The following CHSY3 variants were observed in gnomAD, a reference collection of about 807,000 sequenced individuals.
CHSY3 encodes chondroitin sulfate synthase 3.
Under a neutral mutation model 67.2 loss-of-function variants are expected in CHSY3, and 35 were observed. That is an observed-to-expected ratio of 0.52 (90% CI 0.40 to 0.69). The LOEUF (loss-of-function observed/expected upper bound fraction) is 0.69, where lower values mean the gene tolerates loss of function less well. Among genes scored for constraint, CHSY3 ranks in the 30% least tolerant of loss-of-function variants. CHSY3 has a pLI of 0.00. For synonymous variants in CHSY3, 474 were observed against 434.7 expected (o/e 1.09, Z -1.12); for missense variants, 1,069 against 1,138.5 (o/e 0.94, Z 0.88).
At chr5:129,935,934 C>G (rs1053577389) in intron 2 of CHSY3, among the ~76,000 whole-genome samples, 27 of 152,214 alleles carry the variant, frequency 1.8e-4, no homozygotes, top group African/African-American at 6.0e-4. Flanking sequence ...GGGAACTACA[C>G]TGAGAACAAC....
chr5:130,091,896 A>G (rs1766892583), intron 2 of CHSY3, among the ~76,000 whole-genome samples: 1 of 152,138 alleles, frequency 6.6e-6, no homozygotes. Context: ...ATGAGATTCC[A>G]TTAATGGTGA....
chr5:130,086,005 T>A (rs1766605241), intron 2 of CHSY3, among the ~76,000 whole-genome samples: 1 of 152,268 alleles, frequency 6.6e-6, no homozygotes, highest in East Asian at 1.9e-4. Flanking sequence ...TCTTTTACAT[T>A]TGCTGAGGAG....
intron 2 of CHSY3, among the ~76,000 whole-genome samples, chr5:130,120,596 T>C (rs755823358): frequency 3.3e-5 from 5 of 150,388 alleles, no homozygotes; most frequent in Non-Finnish European, 7.4e-5. Context: ...ATCCCCCAAC[T>C]ACCACTTACT....
intron 2 of CHSY3, among the ~76,000 whole-genome samples, chr5:130,111,105 T>A (rs1215024113): frequency 1.3e-5 from 2 of 152,076 alleles, no homozygotes; most frequent in African/African-American, 4.8e-5. Context: ...TAGGCTAGGC[T>A]CACTGATGAG....
intron 2 of CHSY3, among the ~76,000 whole-genome samples, chr5:129,942,626 A>G (rs1429362215): frequency 2.6e-5 from 4 of 152,096 alleles, no homozygotes; most frequent in Non-Finnish European, 5.9e-5. Context: ...TGTATATTTT[A>G]TCTCCGTTTT....
intron 2 of CHSY3, among the ~76,000 whole-genome samples, chr5:130,013,677 G>T (rs1471565802): frequency 6.6e-6 from 1 of 152,216 alleles, no homozygotes; most frequent in Non-Finnish European, 1.5e-5. Flanking sequence ...AGGCTGCAAA[G>T]AGCAGAGGGG....
At position 130,184,691 on chromosome 5, in the gene CHSY3, A is replaced by T; in HGVS notation, c.1549A>T (p.Ile517Phe). Residue 517 changes from isoleucine to phenylalanine, a missense_variant, in exon 3 of 3, where the codon ATT becomes TTT. Coordinates refer to ENST00000305031, the MANE Select transcript of CHSY3 (RefSeq NM_175856.5). ...NENAKSRGRL[I>F]DFKEIQYGYR... ...GAATGCCAAGAGCAGAGGACGGCTC[A>T]TTGACTTCAAGGAAATTCAGTATGG... 6.2e-7 allele frequency: 1 copy of T among 1,610,204 alleles called. No homozygotes were observed.
chr5:129,917,056 G>A (rs1057255259), intron 2 of CHSY3, among the ~76,000 whole-genome samples: 1 of 152,014 alleles, frequency 6.6e-6, no homozygotes, highest in Non-Finnish European at 1.5e-5. Context: ...TAATTTTCTT[G>A]TATATTAATA....
At chr5:129,951,752 A>T (rs1378088679) in intron 2 of CHSY3, among the ~76,000 whole-genome samples, 3 of 152,202 alleles carry the variant, frequency 2.0e-5, no homozygotes, top group Admixed American at 6.5e-5. Flanking sequence ...ATCTATGTAG[A>T]TACTTGGCTT....
At chr5:129,973,427 T>G (rs1473248223) in intron 2 of CHSY3, among the ~76,000 whole-genome samples, 2 of 152,160 alleles carry the variant, frequency 1.3e-5, no homozygotes, top group Non-Finnish European at 2.9e-5. Flanking sequence ...GACTAGCTAT[T>G]TTATGCATAT....
intron 2 of CHSY3, among the ~76,000 whole-genome samples, chr5:129,929,182 C>T (rs1375250224): frequency 3.3e-5 from 5 of 152,194 alleles, no homozygotes; most frequent in African/African-American, 1.2e-4. Context: ...GAACTACTGT[C>T]ATCCATTTTA....
At chr5:130,062,955 C>G (rs1765761544) in intron 2 of CHSY3, among the ~76,000 whole-genome samples, 1 of 152,008 alleles carries the variant, frequency 6.6e-6, no homozygotes, top group African/African-American at 2.4e-5. Context: ...AGGAAATTTG[C>G]ATTTGGTGGA....
At chr5:130,107,021 C>A (rs1199015856) in intron 2 of CHSY3, among the ~76,000 whole-genome samples, 1 of 151,364 alleles carries the variant, frequency 6.6e-6, no homozygotes, top group Non-Finnish European at 1.5e-5. Flanking sequence ...CTGTAAGTCT[C>A]TATTTCTGGA....
At chr5:130,169,122 A>G (rs1554087629) in intron 2 of CHSY3, among the ~76,000 whole-genome samples, 1 of 151,786 alleles carries the variant, frequency 6.6e-6, no homozygotes, top group Non-Finnish European at 1.5e-5. Context: ...CATGGTTTCC[A>G]TTTTTTTTGT....
intron 2 of CHSY3, among the ~76,000 whole-genome samples, chr5:130,066,458 C>G (rs1473943087): frequency 6.6e-6 from 1 of 152,014 alleles, no homozygotes; most frequent in African/African-American, 2.4e-5. Context: ...CTTAGGGCCT[C>G]TAGCTGTAAG....
intron 2 of CHSY3, among the ~76,000 whole-genome samples, chr5:130,032,644 T>G (rs1243260704): frequency 6.6e-6 from 1 of 152,070 alleles, no homozygotes; most frequent in Non-Finnish European, 1.5e-5. Context: ...GAGAGGAGAT[T>G]TCAGTAGACC....
At chr5:129,982,457 T>A (rs767870378) in intron 2 of CHSY3, among the ~76,000 whole-genome samples, 4 of 152,120 alleles carry the variant, frequency 2.6e-5, no homozygotes, top group Non-Finnish European at 4.4e-5. Context: ...TTTTTTTCCC[T>A]TTCATGAAAG....
intron 2 of CHSY3, among the ~76,000 whole-genome samples, chr5:130,030,633 T>C (rs1764678528): frequency 6.6e-6 from 1 of 152,174 alleles, no homozygotes; most frequent in Non-Finnish European, 1.5e-5. Flanking sequence ...GAAAAGTTGA[T>C]ATGTAAATAG....
At chr5:130,078,796 C>T (rs1051494081) in intron 2 of CHSY3, among the ~76,000 whole-genome samples, 3 of 152,214 alleles carry the variant, frequency 2.0e-5, no homozygotes, top group East Asian at 1.9e-4. Context: ...AGCTGGGCTC[C>T]GAAGGAGAGG....
Sources: allele counts gnomAD v4.1 joint callset (sites outside exome capture counted in the v4.1 genomes callset), GRCh38; gene constraint gnomAD v4.1.1; transcripts MANE v1.5; gene names NCBI Gene and HGNC (gene_info 2026-07-23, HGNC 2026-07-21).